Variants in PDE1A observed in about 807,000 individuals in gnomAD.
The protein encoded by PDE1A is dual specificity calcium/calmodulin-dependent 3',5'-cyclic nucleotide phosphodiesterase 1A.
Under a neutral mutation model 61.7 loss-of-function variants are expected in PDE1A, and 35 were observed. The observed-to-expected ratio is 0.57, with a 90% confidence interval of 0.43 to 0.75. PDE1A has a LOEUF of 0.75. Ranked by LOEUF, PDE1A falls within the 30% of genes least tolerant of loss-of-function variation. The pLI is 0.00. For missense variants in PDE1A, 597 were observed against 630.6 expected, an observed-to-expected ratio of 0.95 and a Z score of 0.57; for synonymous variants, 232 against 213.2, an observed-to-expected ratio of 1.09 and a Z score of -0.77.
At chr2:182,177,283 C>G (rs1684326344) in intron 13 of PDE1A, among the ~76,000 whole-genome samples, 1 of 152,112 alleles carries the variant, frequency 6.6e-6, no homozygotes, top group South Asian at 2.1e-4. Context: ...CCTTGTACCT[C>G]TGGTAGAATT....
exon 13 of PDE1A, chr2:182,185,975 G>A (rs1685168119): frequency 1.2e-6 from 2 of 1,614,024 alleles, no homozygotes; most frequent in South Asian, 2.2e-5. Flanking sequence ...CAGGTCCACT[G>A]CTGCAAGGGA....
At chr2:182,337,831 A>G (rs1338314255) in intron 1 of PDE1A, among the ~76,000 whole-genome samples, 1 of 152,216 alleles carries the variant, frequency 6.6e-6, no homozygotes, top group East Asian at 1.9e-4. Flanking sequence ...TTTTAAAAAA[A>G]AAGAAAGTGT....
At chr2:182,403,460 G>A (rs78603849) in intron 1 of PDE1A, among the ~76,000 whole-genome samples, 13 of 151,900 alleles carry the variant, frequency 8.6e-5, no homozygotes, top group Non-Finnish European at 1.3e-4. Flanking sequence ...TTAGCCGTGC[G>A]TGGTGGCGGG....
At chr2:182,576,581 C>G in the PDE1A span, among the ~76,000 whole-genome samples, 2 of 152,104 alleles carry the variant, frequency 1.3e-5, no homozygotes, top group Admixed American at 1.3e-4. Context: ...TGTATATAAA[C>G]AGAAGTGAAA....
chr2:182,212,030 T>A (rs1457282993), intron 7 of PDE1A, among the ~76,000 whole-genome samples: 1 of 151,896 alleles, frequency 6.6e-6, no homozygotes, highest in Non-Finnish European at 1.5e-5. Flanking sequence ...TATTGCATAC[T>A]TCCAGTATGA....
At chr2:182,452,287 T>C (rs1310276130) in intron 2 of PDE1A, among the ~76,000 whole-genome samples, 1 of 152,098 alleles carries the variant, frequency 6.6e-6, no homozygotes, top group African/African-American at 2.4e-5. Context: ...CTCAAGTTAT[T>C]TGATTGATCA....
At chr2:182,367,302 C>T (rs1234764045) in intron 1 of PDE1A, among the ~76,000 whole-genome samples, 1 of 151,930 alleles carries the variant, frequency 6.6e-6, no homozygotes, top group Non-Finnish European at 1.5e-5. Flanking sequence ...ACTAGAATCA[C>T]TAGAATCAGA....
the PDE1A span, among the ~76,000 whole-genome samples, chr2:182,624,270 G>C: frequency 5.9e-5 from 9 of 152,052 alleles, no homozygotes; most frequent in African/African-American, 2.2e-4. Context: ...TAAGCCTCCT[G>C]CTAGCTACTA....
intron 1 of PDE1A, among the ~76,000 whole-genome samples, chr2:182,402,833 AAAAC>A (rs1290502398): frequency 7.9e-5 from 12 of 152,250 alleles, no homozygotes; most frequent in Admixed American, 2.0e-4. Flanking sequence ...TTTATAAGAA[AAAAC>A]AAACAACGCC....
At chr2:182,496,487 TGATA>T (rs1402817859) in intron 2 of PDE1A, among the ~76,000 whole-genome samples, 6 of 152,350 alleles carry the variant, frequency 3.9e-5, no homozygotes, top group African/African-American at 1.4e-4. Context: ...ACCGTTATTA[TGATA>T]GATAATTTAG....
At chr2:182,272,153 A>G (rs1336290196) in intron 1 of PDE1A, among the ~76,000 whole-genome samples, 1 of 152,156 alleles carries the variant, frequency 6.6e-6, no homozygotes, top group East Asian at 1.9e-4. Flanking sequence ...GGTTCTACAC[A>G]TAAGGAATAC....
At chr2:182,670,170 G>A in the PDE1A span, among the ~76,000 whole-genome samples, 1 of 152,154 alleles carries the variant, frequency 6.6e-6, no homozygotes, top group Admixed American at 6.5e-5. Flanking sequence ...TCGTTTGCTG[G>A]CTCTGGGTCT....
chr2:182,183,428 G>A (rs1220631089), intron 13 of PDE1A, among the ~76,000 whole-genome samples: 7 of 152,144 alleles, frequency 4.6e-5, no homozygotes, highest in Non-Finnish European at 1.0e-4. Flanking sequence ...CTCCAACTCT[G>A]ACCTGGGAAT....
intron 1 of PDE1A, among the ~76,000 whole-genome samples, chr2:182,374,671 C>G (rs751152055): frequency 4.6e-5 from 7 of 152,032 alleles, no homozygotes; most frequent in Non-Finnish European, 8.8e-5. Context: ...CTAGAATAAA[C>G]ACTTCACAAA....
chr2:182,580,777 T>C, the PDE1A span, among the ~76,000 whole-genome samples: 4 of 152,154 alleles, frequency 2.6e-5, no homozygotes, highest in Non-Finnish European at 5.9e-5. Context: ...TTTAACAGCA[T>C]TTGTAAACAT....
At chr2:182,180,261 ACATAAT>A (rs774809572) in intron 13 of PDE1A, among the ~76,000 whole-genome samples, 3 of 152,218 alleles carry the variant, frequency 2.0e-5, no homozygotes, top group Non-Finnish European at 4.4e-5. Flanking sequence ...CACATGTTAG[ACATAAT>A]CATAATCATA....
intron 1 of PDE1A, among the ~76,000 whole-genome samples, chr2:182,310,702 A>G (rs1469355202): frequency 6.6e-6 from 1 of 152,094 alleles, no homozygotes; most frequent in African/African-American, 2.4e-5. Flanking sequence ...CTAAAGCCAA[A>G]CTGAACTCCT....
chr2:182,512,412 C>T (rs1456181493), intron 2 of PDE1A, among the ~76,000 whole-genome samples: 3 of 152,132 alleles, frequency 2.0e-5, no homozygotes, highest in Non-Finnish European at 2.9e-5. Context: ...ACAGTCAAAC[C>T]CTCAAGTGCA....
intron 1 of PDE1A, among the ~76,000 whole-genome samples, chr2:182,346,467 G>C (rs528619787): frequency 6.6e-6 from 1 of 152,252 alleles, no homozygotes; most frequent in South Asian, 2.1e-4. Context: ...AATATTTACT[G>C]AGTACCATGT....
Sources: allele counts gnomAD v4.1 joint callset (sites outside exome capture counted in the v4.1 genomes callset), GRCh38; gene constraint gnomAD v4.1.1; transcripts MANE v1.5; gene names NCBI Gene and HGNC (gene_info 2026-07-23, HGNC 2026-07-21).